The following SLC7A13 variants were observed in gnomAD, a reference collection of about 807,000 sequenced individuals.
SLC7A13 encodes the protein solute carrier family 7 member 13.
A neutral mutation model predicts 32.0 loss-of-function variants in SLC7A13; 31 were observed. The ratio of observed to expected loss-of-function variants is 0.97; its 90% CI spans 0.73 to 1.31. The LOEUF (loss-of-function observed/expected upper bound fraction) is 1.31, where lower values mean the gene tolerates loss of function less well. Ranked by LOEUF, SLC7A13 falls within the 50% of genes most tolerant of loss-of-function variation. The pLI is 0.00. For missense variants in SLC7A13, 633 were observed against 546.9 expected, an observed-to-expected ratio of 1.16 and a Z score of -1.57; for synonymous variants, 232 against 206.9, an observed-to-expected ratio of 1.12 and a Z score of -1.04.
chr8:86,224,515 G>T (rs1377591598), intron 1 of SLC7A13, among the ~76,000 whole-genome samples: 1 of 152,054 alleles, frequency 6.6e-6, no homozygotes, highest in Non-Finnish European at 1.5e-5. Flanking sequence ...AATATTAAGT[G>T]CAAAAAAAGG....
intron 1 of SLC7A13, among the ~76,000 whole-genome samples, chr8:86,225,643 C>A (rs1191446897): frequency 6.6e-6 from 1 of 151,336 alleles, no homozygotes; most frequent in Non-Finnish European, 1.5e-5. Flanking sequence ...GTATTCCGGC[C>A]GGGTGTGGTG....
At position 86,214,406 on chromosome 8, in the gene SLC7A13, CCGACATCT is replaced by C. The variant is rs764927425; in HGVS notation, c.1412_*6del. On this transcript the variant is annotated stop_retained_variant and 3_prime_UTR_variant, in exon 4 of 4. Coordinates refer to ENST00000297524, the MANE Select transcript of SLC7A13 (RefSeq NM_138817.3). The stretch of plus-strand genomic sequence containing the variant: ...GCCAATTTTTTAAGAGTTTGCACTT[CCGACATCT>C]ATTCCTCAGACACATCAGGGAGGCA... 5.2e-6 allele frequency: 6 copies of C among 1,147,658 alleles called. No homozygotes were observed. Among genetic ancestry groups the C allele is most frequent in the Non-Finnish European group, 6.9e-6 (6 of 872,630 alleles). 71.1% of individuals were successfully genotyped at this position (1,147,658 alleles called of 1,614,324 possible).
At position 86,215,913 on chromosome 8, in the gene SLC7A13, TA is replaced by T. The variant is rs374001471; in HGVS notation, c.1180-1268del. ...GTAAGTTGAATAATAATATAAGCAA[TA>T]ATAGCCATCAATGTCAGACCCTGGA... On this transcript the variant is annotated intron_variant, in intron 3 of 3. Coordinates refer to ENST00000297524, the MANE Select transcript of SLC7A13 (RefSeq NM_138817.3). Among the ~76,000 whole-genome samples, 162 of 152,212 alleles carry T rather than the reference TA, an allele frequency of 1.1e-3. 1 individual carries two copies. Among genetic ancestry groups the T allele is most frequent in the African/African-American group, 3.7e-3 (153 of 41,550 alleles).
rs763116112 is a variant in SLC7A13, at chr8:86,229,471, A to G, written c.685+122T>C. ...GCCAGGCTGGCATGATCTGATTCAG[A>G]AAGTCACAAAGAAGAAAGAAACATT... On this transcript the variant is annotated intron_variant, in intron 1 of 3. Transcript: ENST00000297524. 4.0e-4 allele frequency: 383 copies of G among 954,058 alleles called. 3 individuals carry two copies. Among genetic ancestry groups the G allele is most frequent in the Middle Eastern group, 2.3e-4 (1 of 4,428 alleles). The allele number at this position is 954,058 out of a possible 1,614,324, so 59.1% of individuals were successfully genotyped here.
At chr8:86,222,880 T>C in intron 2 of SLC7A13, 92 bp downstream of exon 2, 1 of 1,244,360 alleles carries the variant, frequency 8.0e-7, no homozygotes, top group Non-Finnish European at 1.1e-6. Flanking sequence ...TATAGAATAA[T>C]GAACAGTAAA....
intron 2 of SLC7A13, among the ~76,000 whole-genome samples, chr8:86,221,228 A>G (rs34144062): frequency 0.14 from 20,713 of 151,974 alleles, 1,702 homozygotes; most frequent in Admixed American, 0.21. Context: ...TCAAGTATCC[A>G]TCAACAATAT....
At chr8:86,219,211 T>A (rs1209560691) in intron 2 of SLC7A13, among the ~76,000 whole-genome samples, 1 of 152,150 alleles carries the variant, frequency 6.6e-6, no homozygotes, top group African/African-American at 2.4e-5. Context: ...ATTTCACATC[T>A]TCAGTCACAT....
intron 1 of SLC7A13, 64 bp downstream of exon 1, chr8:86,229,529 T>C (rs1820445144): frequency 7.7e-7 from 1 of 1,300,200 alleles, no homozygotes; most frequent in African/African-American, 1.5e-5. Flanking sequence ...CAACAAATGA[T>C]ATGCATTTCA....
intron 2 of SLC7A13, among the ~76,000 whole-genome samples, chr8:86,220,180 T>G (rs1820269854): frequency 1.3e-5 from 2 of 152,160 alleles, no homozygotes; most frequent in Non-Finnish European, 2.9e-5. Context: ...TATTTACGGT[T>G]TTAGATTATC....
chr8:86,218,691 G>A (rs1820238190), intron 2 of SLC7A13, among the ~76,000 whole-genome samples: 1 of 149,926 alleles, frequency 6.7e-6, no homozygotes, highest in South Asian at 2.1e-4. Context: ...AAGATCTTAT[G>A]AGTACTAATT....
chr8:86,227,949 G>T (rs751383889), intron 1 of SLC7A13, among the ~76,000 whole-genome samples: 2 of 152,140 alleles, frequency 1.3e-5, no homozygotes, highest in Non-Finnish European at 2.9e-5. Context: ...GGGAGAGTGG[G>T]TGGGGGGTAA....
At chr8:86,224,506 A>G (rs1412449145) in intron 1 of SLC7A13, among the ~76,000 whole-genome samples, 1 of 152,198 alleles carries the variant, frequency 6.6e-6, no homozygotes, top group East Asian at 1.9e-4. Flanking sequence ...CTTTATGCCA[A>G]TATTAAGTGC....
chr8:86,216,942 G>T (rs1820191536), intron 3 of SLC7A13, among the ~76,000 whole-genome samples: 1 of 152,144 alleles, frequency 6.6e-6, no homozygotes, highest in Admixed American at 6.6e-5. Flanking sequence ...AAGTTTTGCT[G>T]CTTATTTCCT....
At chr8:86,228,657 C>T (rs1403120770) in intron 1 of SLC7A13, among the ~76,000 whole-genome samples, 3 of 152,000 alleles carry the variant, frequency 2.0e-5, no homozygotes, top group Non-Finnish European at 4.4e-5. Flanking sequence ...ACCAACCTGG[C>T]CAACATGGTG....
chr8:86,218,711 T>C (rs1349637498), intron 2 of SLC7A13, among the ~76,000 whole-genome samples: 1 of 151,910 alleles, frequency 6.6e-6, no homozygotes, highest in African/African-American at 2.4e-5. Context: ...TTAATAAAAG[T>C]CCACAGGAAC....
At position 86,228,720 on chromosome 8, in the gene SLC7A13, C is replaced by T. The variant is rs1201869673; in HGVS notation, c.685+873G>A. On this transcript the variant is annotated intron_variant, in intron 1 of 3. Coordinates refer to ENST00000297524, the MANE Select transcript of SLC7A13 (RefSeq NM_138817.3). ...AATAAGCCAGGCATCGTGGTGCACA[C>T]GTGTAGTCCCAGCTACTCTGGAGGC... Among the ~76,000 whole-genome samples, 2 of 151,992 alleles carry T rather than the reference C, an allele frequency of 1.3e-5. 1 individual carries two copies. Among genetic ancestry groups the T allele is most frequent in the Non-Finnish European group, 2.9e-5 (2 of 68,016 alleles).
Position 86,220,750 on chromosome 8 carries a change from C to T in SLC7A13, c.817+2222G>A, listed in dbSNP as rs146717455. 1.1e-3 allele frequency among the ~76,000 whole-genome samples: 162 copies of T among 152,024 alleles called. 1 individual carries two copies. The highest frequency in any genetic ancestry group is 3.7e-3 in the African/African-American group (153 of 41,502). On this transcript the variant is annotated intron_variant, in intron 2 of 3. Coordinates refer to ENST00000297524, the MANE Select transcript of SLC7A13 (RefSeq NM_138817.3). Reference sequence around the variant, plus strand: ...TGGGCCTAGTGGCTCACGTCTGTAACCCCAGCACTTTGAGAGGCCAAGAGG... The same window carrying T: ...TGGGCCTAGTGGCTCACGTCTGTAATCCCAGCACTTTGAGAGGCCAAGAGG...
In SLC7A13 at chr8:86,217,579, A is replaced by G. The variant is rs746624731; in HGVS notation, c.1070T>C (p.Ile357Thr). Reference protein sequence around the residue: ...GSLAIILTSLIDLINYIFFTG... With the variant: ...GSLAIILTSLTDLINYIFFTG... ...GAAAAAAATATAGTTTATCAAATCA[A>G]TTAGACTTGTTAAGATAATTGCAAG... The change falls in exon 3 of 4, where the codon ATT becomes ACT. Residue 357 changes from isoleucine (I) to threonine (T), a missense_variant. By Grantham distance (89) the Ile-to-Thr change is moderately conservative. Coordinates refer to ENST00000297524, the MANE Select transcript of SLC7A13 (RefSeq NM_138817.3). The G allele has an allele frequency of 1.1e-5, 17 of 1,613,252 alleles. No homozygotes were observed. The highest frequency in any genetic ancestry group is 1.3e-5 in the African/African-American group (1 of 74,886).
Position 86,229,024 on chromosome 8 carries a change from T to G in SLC7A13, c.685+569A>C, listed in dbSNP as rs192781990. On this transcript the variant is annotated intron_variant, in intron 1 of 3. Coordinates refer to ENST00000297524, the MANE Select transcript of SLC7A13 (RefSeq NM_138817.3). ...GCATCCAAGGTTGCTGTAGGGTGAC[T>G]GCTTTTATAATGCACAGATGAAAAT... 1.1e-3 allele frequency among the ~76,000 whole-genome samples: 161 copies of G among 152,272 alleles called. 1 individual carries two copies. Among genetic ancestry groups the G allele is most frequent in the African/African-American group, 3.7e-3 (152 of 41,564 alleles).
Sources: gnomAD v4.1 joint callset for allele counts (sites outside exome capture counted in the v4.1 genomes callset) on GRCh38, gnomAD v4.1.1 for gene constraint, MANE v1.5 for transcripts, NCBI Gene and HGNC (gene_info 2026-07-23, HGNC 2026-07-21) for gene names.